The following PDE8B variants were observed in gnomAD, a reference collection of about 807,000 sequenced individuals.
PDE8B encodes phosphodiesterase 8B.
Under a neutral mutation model 101.3 loss-of-function variants are expected in PDE8B, and 26 were observed. The ratio of observed to expected loss-of-function variants is 0.26; its 90% CI spans 0.19 to 0.36. The LOEUF (loss-of-function observed/expected upper bound fraction) is 0.36. PDE8B is among the 10% of genes least tolerant of loss of function. The pLI is 1.00. For synonymous variants in PDE8B, 424 were observed against 429.3 expected (o/e 0.99, Z 0.15); for missense variants, 810 against 1,163.1 (o/e 0.70, Z 4.42).
the PDE8B span, among the ~76,000 whole-genome samples, chr5:77,180,209 G>A: frequency 3.9e-5 from 6 of 152,174 alleles, no homozygotes; most frequent in Non-Finnish European, 8.8e-5. Flanking sequence ...TCAAAGTCTT[G>A]GCTCCACACC....
At chr5:77,247,077 G>C (rs141746686) in intron 1 of PDE8B, among the ~76,000 whole-genome samples, 1 of 152,144 alleles carries the variant, frequency 6.6e-6, no homozygotes, top group Non-Finnish European at 1.5e-5. Flanking sequence ...AGTTAATTAA[G>C]GTTCATTGTT....
At chr5:77,383,646 T>A (rs1343403768) in intron 10 of PDE8B, among the ~76,000 whole-genome samples, 1 of 151,714 alleles carries the variant, frequency 6.6e-6, no homozygotes, top group Non-Finnish European at 1.5e-5. Flanking sequence ...CCATCTTGAG[T>A]TAATTTTTGT....
intron 11 of PDE8B, among the ~76,000 whole-genome samples, chr5:77,404,297 A>AT (rs1469866664): frequency 1.3e-5 from 2 of 150,506 alleles, no homozygotes; most frequent in Admixed American, 6.6e-5. Flanking sequence ...AATTTTATGT[A>AT]TTTTTTTAGT....
At chr5:77,291,321 A>T (rs1767291163) in intron 1 of PDE8B, 2 of 1,612,682 alleles carry the variant, frequency 1.2e-6, no homozygotes, top group Admixed American at 1.7e-5. Context: ...GGCAGTGAGC[A>T]TGTTTCTTGG....
chr5:77,315,439 G>T (rs7731628), intron 2 of PDE8B, among the ~76,000 whole-genome samples: 38,352 of 151,982 alleles, frequency 0.25, 4,990 homozygotes, highest in Middle Eastern at 0.33. Flanking sequence ...ATTGCTTTGA[G>T]GCCTTTGCTA....
chr5:77,290,502 G>A, intron 1 of PDE8B: 2 of 1,467,648 alleles, frequency 1.4e-6, no homozygotes, highest in Admixed American at 1.7e-5. Flanking sequence ...AGATATTCCT[G>A]CTCCAAAACG....
chr5:77,109,528 G>A, the PDE8B span, among the ~76,000 whole-genome samples: 1 of 152,126 alleles, frequency 6.6e-6, no homozygotes, highest in Non-Finnish European at 1.5e-5. Flanking sequence ...AATTGCAGAG[G>A]GCAGACTGCA....
At chr5:77,344,762 G>T in intron 6 of PDE8B, 91 bp from the exon 7 acceptor site, 1 of 857,568 alleles carries the variant, frequency 1.2e-6, no homozygotes, top group South Asian at 1.3e-5. Context: ...TAGATTTGAT[G>T]AACCTGGTAT....
chr5:77,312,117 T>C, intron 2 of PDE8B, 64 bp downstream of exon 2: 2 of 1,256,376 alleles, frequency 1.6e-6, no homozygotes, highest in Non-Finnish European at 2.3e-6. Flanking sequence ...TTTTTTTTTT[T>C]TTTTGAGATG....
At chr5:77,356,748 TA>T (rs1484287045) in intron 10 of PDE8B, among the ~76,000 whole-genome samples, 1 of 152,166 alleles carries the variant, frequency 6.6e-6, no homozygotes, top group African/African-American at 2.4e-5. Flanking sequence ...TTATTCTTGT[TA>T]CATTTTTAAT....
intron 1 of PDE8B, chr5:77,291,584 C>G (rs1329072580): frequency 3.8e-6 from 6 of 1,597,536 alleles, no homozygotes; most frequent in Admixed American, 1.7e-5. Context: ...TGGGCAGAAT[C>G]TTTCGCTGGC....
At chr5:77,350,127 C>T (rs1265152754) in intron 8 of PDE8B, among the ~76,000 whole-genome samples, 2 of 152,198 alleles carry the variant, frequency 1.3e-5, no homozygotes, top group Non-Finnish European at 2.9e-5. Context: ...TGCCTCTCAT[C>T]GCTGGAACTG....
At chr5:77,200,407 C>G in the PDE8B span, among the ~76,000 whole-genome samples, 1 of 152,118 alleles carries the variant, frequency 6.6e-6, no homozygotes, top group East Asian at 1.9e-4. Flanking sequence ...CTCTCCTTCC[C>G]CTAGCCCCAC....
At chr5:77,226,935 G>T (rs1025591813) in intron 1 of PDE8B, among the ~76,000 whole-genome samples, 7 of 152,170 alleles carry the variant, frequency 4.6e-5, no homozygotes, top group Non-Finnish European at 1.0e-4. Context: ...GATTTGAGAA[G>T]AATAGTGGCT....
chr5:77,347,064 T>C (rs2150409124), intron 7 of PDE8B, among the ~76,000 whole-genome samples: 1 of 152,322 alleles, frequency 6.6e-6, no homozygotes, highest in Non-Finnish European at 1.5e-5. Context: ...CTGTTATCTA[T>C]CCACCCATCC....
At chr5:77,370,404 A>G (rs1306772284) in intron 10 of PDE8B, among the ~76,000 whole-genome samples, 1 of 152,224 alleles carries the variant, frequency 6.6e-6, no homozygotes, top group African/African-American at 2.4e-5. Context: ...ATCTAAATGG[A>G]GTCACAGTAT....
the PDE8B span, among the ~76,000 whole-genome samples, chr5:77,111,292 C>G: frequency 2.0e-5 from 3 of 152,276 alleles, no homozygotes; most frequent in Middle Eastern, 6.8e-3. Context: ...GAGATCCAAA[C>G]ATAACTGCTA....
At chr5:77,165,998 G>GAA in the PDE8B span, among the ~76,000 whole-genome samples, 2 of 141,646 alleles carry the variant, frequency 1.4e-5, no homozygotes, top group African/African-American at 5.3e-5. Flanking sequence ...AAAAGAAAAA[G>GAA]AAAAAAAAAA....
intron 1 of PDE8B, among the ~76,000 whole-genome samples, chr5:77,215,586 A>G (rs1181728284): frequency 2.0e-5 from 3 of 152,218 alleles, no homozygotes; most frequent in Non-Finnish European, 4.4e-5. Context: ...GTAACATAGT[A>G]TAAGCTGCCA....
Sources: allele counts gnomAD v4.1 joint callset (sites outside exome capture counted in the v4.1 genomes callset), GRCh38; gene constraint gnomAD v4.1.1; transcripts MANE v1.5; gene names NCBI Gene and HGNC (gene_info 2026-07-23, HGNC 2026-07-21).